PROM1: variants seen among roughly 807,000 people sequenced by gnomAD.
The protein encoded by PROM1 is prominin-1.
PROM1 carries 105 observed loss-of-function variants against 116.9 expected under a neutral mutation model. The observed-to-expected ratio is 0.90, with a 90% confidence interval of 0.77 to 1.06. The LOEUF (loss-of-function observed/expected upper bound fraction) is 1.06. Ranked by LOEUF, PROM1 falls within the 50% of genes least tolerant of loss-of-function variation. The probability of loss-of-function intolerance (pLI) is 0.00; values close to 1 mark genes in which losing one functional copy is unlikely to be tolerated. For missense variants in PROM1, 1,122 were observed against 1,045.2 expected, an observed-to-expected ratio of 1.07 and a Z score of -1.01; for synonymous variants, 393 against 387.0, an observed-to-expected ratio of 1.02 and a Z score of -0.18.
chr4:16,072,030 C>T (rs1742930744), intron 2 of PROM1, among the ~76,000 whole-genome samples: 1 of 152,148 alleles, frequency 6.6e-6, no homozygotes, highest in African/African-American at 2.4e-5. Flanking sequence ...TTTGCAGCTT[C>T]AGGCCAAGGC....
At chr4:16,027,936 G>A (rs555127205) in intron 5 of PROM1, among the ~76,000 whole-genome samples, 23 of 152,190 alleles carry the variant, frequency 1.5e-4, no homozygotes, top group African/African-American at 5.5e-4. Context: ...TACAACACTC[G>A]ATTTCAATGC....
chr4:16,077,284 T>C (rs1744171756), intron 1 of PROM1, among the ~76,000 whole-genome samples: 1 of 152,256 alleles, frequency 6.6e-6, no homozygotes, highest in Non-Finnish European at 1.5e-5. Context: ...AATGCTGCTC[T>C]GTAAGGCATT....
At chr4:15,978,020 A>C (rs973817241) in intron 26 of PROM1, among the ~76,000 whole-genome samples, 1 of 152,196 alleles carries the variant, frequency 6.6e-6, no homozygotes, top group Non-Finnish European at 1.5e-5. Flanking sequence ...CAAAGCCCTC[A>C]TTAGTCTCTC....
At chr4:16,037,181 TC>T (rs1240444072) in intron 3 of PROM1, among the ~76,000 whole-genome samples, 1 of 152,178 alleles carries the variant, frequency 6.6e-6, no homozygotes, top group Non-Finnish European at 1.5e-5. Context: ...CTACTCTCAT[TC>T]CTTGGTTGGC....
At chr4:16,080,193 G>A (rs1391776786) in intron 1 of PROM1, among the ~76,000 whole-genome samples, 1 of 144,040 alleles carries the variant, frequency 6.9e-6, no homozygotes, top group African/African-American at 2.6e-5. Flanking sequence ...TTTTGAGCCT[G>A]GAGTCCAGAG....
At chr4:16,034,464 C>G (rs1191363370) in intron 4 of PROM1, among the ~76,000 whole-genome samples, 2 of 152,182 alleles carry the variant, frequency 1.3e-5, no homozygotes, top group Non-Finnish European at 2.9e-5. Flanking sequence ...GCCAGATCCA[C>G]AGTGAAGGAC....
intron 26 of PROM1, among the ~76,000 whole-genome samples, chr4:15,977,975 C>T (rs1228485074): frequency 2.6e-5 from 4 of 152,172 alleles, no homozygotes; most frequent in Non-Finnish European, 4.4e-5. Flanking sequence ...CATACATTGA[C>T]GTCATAATCA....
Position 16,026,526 on chromosome 4 carries a change from C to T in PROM1, c.510-1214G>A, listed in dbSNP as rs146475713. ...TAAAAACATATCAGATGCAGAAAAT[C>T]AATACATTGCCTCTTCAGCAAAAGC... On this transcript the variant is annotated intron_variant, in intron 5 of 27. Coordinates refer to ENST00000447510, the MANE Select transcript of PROM1 (RefSeq NM_006017.3). 1.1e-3 allele frequency among the ~76,000 whole-genome samples: 166 copies of T among 152,254 alleles called. 1 individual carries two copies. Among genetic ancestry groups the T allele is most frequent in the African/African-American group, 3.8e-3 (158 of 41,544 alleles).
At chr4:15,980,303 TAAAA>T (rs58036643) in intron 24 of PROM1, 115 bp downstream of exon 24, 707 of 607,864 alleles carry the variant, frequency 1.2e-3, no homozygotes, top group South Asian at 1.6e-3. Context: ...CAACTACTAC[TAAAA>T]AAAAAAAAAA....
intron 9 of PROM1, 70 bp downstream of exon 9, chr4:16,018,248 GGTCAC>G (rs1180766550): frequency 7.0e-7 from 1 of 1,421,440 alleles, no homozygotes. Context: ...GCACTGGATA[GGTCAC>G]CCACGCTTAG....
chr4:16,033,246 G>T (rs1348894314), intron 5 of PROM1, 58 bp downstream of exon 5: 4 of 1,413,498 alleles, frequency 2.8e-6, no homozygotes, highest in Admixed American at 4.1e-5. Flanking sequence ...CCATAAAAAT[G>T]TGAGACACTC....
chr4:16,004,872 C>CCT (rs150797542), intron 13 of PROM1, among the ~76,000 whole-genome samples: 5 of 115,248 alleles, frequency 4.3e-5, no homozygotes, highest in Non-Finnish European at 7.3e-5. Context: ...TCTCTCTCTC[C>CCT]CTCTCTCTCT....
intron 27 of PROM1, among the ~76,000 whole-genome samples, chr4:15,970,179 T>C (rs1177283691): frequency 6.6e-6 from 1 of 151,302 alleles, no homozygotes; most frequent in Non-Finnish European, 1.5e-5. Flanking sequence ...TTTTTTTTTT[T>C]TTTTGTGATG....
chr4:16,015,926 T>C (rs1188660584), intron 10 of PROM1, among the ~76,000 whole-genome samples: 1 of 152,034 alleles, frequency 6.6e-6, no homozygotes, highest in Non-Finnish European at 1.5e-5. Context: ...AAAGCAGAGG[T>C]CATGTTCTTC....
intron 11 of PROM1, among the ~76,000 whole-genome samples, chr4:16,010,569 T>G (rs1046501609): frequency 5.9e-5 from 9 of 152,320 alleles, no homozygotes; most frequent in Non-Finnish European, 1.2e-4. Flanking sequence ...AGTGGCACGA[T>G]CATGGCTCAC....
intron 20 of PROM1, among the ~76,000 whole-genome samples, chr4:15,987,043 T>C (rs1431728668): frequency 2.0e-5 from 3 of 152,226 alleles, no homozygotes; most frequent in Non-Finnish European, 2.9e-5. Context: ...CTGTTCAGGA[T>C]TATTGATATG....
chr4:15,992,169 AAATC>A lies in PROM1; in HGVS notation c.1911+75_1911+78del, dbSNP rs777708328. ...ATCATGTGAATCTCATCTTAATAAAAAATCAAAAGCAAAACAGAAATACACATCT... is the reference window on the plus strand; with the variant it reads ...ATCATGTGAATCTCATCTTAATAAAAAAAAGCAAAACAGAAATACACATCT... On this transcript the variant is annotated intron_variant, in intron 17 of 27. Coordinates refer to ENST00000447510, the MANE Select transcript of PROM1 (RefSeq NM_006017.3). The A allele has an allele frequency of 3.6e-4, 561 of 1,569,456 alleles. 6 individuals carry two copies. Among genetic ancestry groups the A allele is most frequent in the Middle Eastern group, 8.4e-4 (5 of 5,920 alleles).
intron 2 of PROM1, among the ~76,000 whole-genome samples, chr4:16,058,031 A>G (rs892205183): frequency 1.4e-4 from 21 of 152,218 alleles, no homozygotes; most frequent in Non-Finnish European, 2.8e-4. Context: ...CCAATTGTTC[A>G]GGAAAAAAAG....
At position 16,033,502 on chromosome 4, in the gene PROM1, T is replaced by C; in HGVS notation, c.311A>G (p.Tyr104Cys). The change falls in exon 5 of 28, where the codon TAC (tyrosine) becomes TGC (cysteine). Residue 104 changes from tyrosine to cysteine, a missense_variant. By Grantham distance (194) the Tyr-to-Cys change is radical (BLOSUM62 -2). Coordinates refer to ENST00000447510, the MANE Select transcript of PROM1 (RefSeq NM_006017.3). ...ETVILGLKIV[Y>C]YEAGIILCCV... The stretch of plus-strand genomic sequence containing the variant: ...GCATAGAATAATCCCTGCTTCATAG[T>C]AGACAATCTGCAATTCAAACAAAAG... 1 of 1,594,956 alleles carries C rather than the reference T, an allele frequency of 6.3e-7. No homozygotes were observed. The highest frequency in any genetic ancestry group is 8.5e-7 in the Non-Finnish European group (1 of 1,170,132).
Sources: allele counts gnomAD v4.1 joint callset (sites outside exome capture counted in the v4.1 genomes callset), GRCh38; gene constraint gnomAD v4.1.1; transcripts MANE v1.5; gene names NCBI Gene and HGNC (gene_info 2026-07-23, HGNC 2026-07-21).